The following CXCL13 variants were observed in gnomAD, a reference collection of about 807,000 sequenced individuals.
CXCL13 encodes the protein C-X-C motif chemokine ligand 13, also known as C-X-C motif chemokine 13.
A neutral mutation model predicts 12.2 loss-of-function variants in CXCL13; 7 were observed. The ratio of observed to expected loss-of-function variants is 0.57; its 90% CI spans 0.33 to 1.07. The LOEUF (loss-of-function observed/expected upper bound fraction) is 1.07, where lower values mean the gene tolerates loss of function less well. Among genes scored for constraint, CXCL13 ranks in the 50% least tolerant of loss-of-function variants. The probability of loss-of-function intolerance (pLI) is 0.04; values close to 1 mark genes in which losing one functional copy is unlikely to be tolerated. For missense variants in CXCL13, 113 were observed against 127.4 expected (o/e 0.89, Z 0.55); for synonymous variants, 47 against 42.4 (o/e 1.11, Z -0.42).
intron 1 of CXCL13, among the ~76,000 whole-genome samples, chr4:77,539,523 G>A (rs973581630): frequency 2.0e-5 from 3 of 152,210 alleles, no homozygotes; most frequent in African/African-American, 4.8e-5. Context: ...TGGGCTGTCC[G>A]CATGGCAGTG....
intron 1 of CXCL13, among the ~76,000 whole-genome samples, chr4:77,556,944 G>A (rs1299013030): frequency 3.9e-5 from 6 of 152,104 alleles, no homozygotes; most frequent in African/African-American, 1.4e-4. Context: ...TTAAGCCCAG[G>A]AGTTCGAGGC....
intron 1 of CXCL13, among the ~76,000 whole-genome samples, chr4:77,578,900 C>G (rs529482215): frequency 2.0e-5 from 3 of 152,312 alleles, no homozygotes; most frequent in East Asian, 3.9e-4. Flanking sequence ...TCTCCTGCAA[C>G]TGAATATGGC....
intron 1 of CXCL13, among the ~76,000 whole-genome samples, chr4:77,532,234 C>T (rs1481189790): frequency 2.0e-5 from 3 of 152,132 alleles, no homozygotes; most frequent in Non-Finnish European, 4.4e-5. Context: ...TCTTTTAGGG[C>T]AGGCCTGGTG....
chr4:77,583,144 G>T (rs1726378378), intron 1 of CXCL13, among the ~76,000 whole-genome samples: 1 of 152,200 alleles, frequency 6.6e-6, no homozygotes, highest in South Asian at 2.1e-4. Context: ...AAGAACCACA[G>T]TTAGATTAAG....
intron 1 of CXCL13, among the ~76,000 whole-genome samples, chr4:77,559,590 C>CGTGTGTGTGTGTCTGTGTGT (rs1725751415): frequency 6.7e-6 from 1 of 148,630 alleles, no homozygotes. Flanking sequence ...CTAAATATGC[C>CGTGTGTGTGTGTCTGTGTGT]GTGTGTGTGT....
Position 77,611,738 on chromosome 4 carries a change from G to GT in CXCL13, c.*700dup. The GT allele has an allele frequency of 2.5e-6, 1 of 395,198 alleles. No homozygotes were observed. The highest frequency in any genetic ancestry group is 4.4e-6 in the Non-Finnish European group (1 of 225,928). 24.5% of individuals were successfully genotyped at this position (395,198 alleles called of 1,614,324 possible). ...CACATCTTTTTCACTGACTTTTTTTGTGGGGGGCGGGGCCGGGGGGACTCT... is the reference window on the plus strand; with the variant it reads ...CACATCTTTTTCACTGACTTTTTTTGTTGGGGGGCGGGGCCGGGGGGACTCT... On this transcript the variant is annotated 3_prime_UTR_variant, in exon 4 of 4. Coordinates refer to ENST00000682537, the MANE Select transcript of CXCL13 (RefSeq NM_001371558.1).
intron 1 of CXCL13, among the ~76,000 whole-genome samples, chr4:77,574,200 C>A (rs1360244390): frequency 6.6e-6 from 1 of 151,792 alleles, no homozygotes; most frequent in East Asian, 1.9e-4. Flanking sequence ...TCTTTTCAGT[C>A]AACTGGATTA....
chr4:77,545,877 T>C (rs1212776711), intron 1 of CXCL13, among the ~76,000 whole-genome samples: 3 of 152,246 alleles, frequency 2.0e-5, no homozygotes, highest in Non-Finnish European at 2.9e-5. Flanking sequence ...TGATATTGGC[T>C]GTGCATTTGT....
At chr4:77,546,120 C>A (rs1263088579) in intron 1 of CXCL13, among the ~76,000 whole-genome samples, 1 of 152,130 alleles carries the variant, frequency 6.6e-6, no homozygotes, top group Non-Finnish European at 1.5e-5. Flanking sequence ...GTTGGATAGG[C>A]TTTTTGATGT....
intron 1 of CXCL13, among the ~76,000 whole-genome samples, chr4:77,545,796 T>A (rs1460796152): frequency 6.6e-6 from 1 of 152,014 alleles, no homozygotes; most frequent in African/African-American, 2.4e-5. Context: ...TGAATAGGAG[T>A]GGTGAGAGAG....
At chr4:77,564,218 C>A (rs1039503896) in intron 1 of CXCL13, among the ~76,000 whole-genome samples, 1 of 152,190 alleles carries the variant, frequency 6.6e-6, no homozygotes, top group Admixed American at 6.5e-5. Context: ...TTCAGGAAAA[C>A]TAGATCCAAC....
intron 2 of CXCL13, 143 bp downstream of exon 2, chr4:77,607,978 G>A (rs1313298234): frequency 1.2e-6 from 1 of 858,878 alleles, no homozygotes; most frequent in Non-Finnish European, 1.8e-6. Context: ...AATGAAAATT[G>A]TTAATAATTA....
At chr4:77,513,459 T>G (rs1724323006) in intron 1 of CXCL13, among the ~76,000 whole-genome samples, 1 of 152,036 alleles carries the variant, frequency 6.6e-6, no homozygotes, top group South Asian at 2.1e-4. Context: ...TCCTGACTTT[T>G]TTTTTTTTTT....
intron 1 of CXCL13, among the ~76,000 whole-genome samples, chr4:77,568,281 G>A (rs1466273288): frequency 6.6e-6 from 1 of 152,152 alleles, no homozygotes; most frequent in Non-Finnish European, 1.5e-5. Context: ...TGGACAGATG[G>A]AGAAGTGGCC....
chr4:77,607,592 A>G (rs1383451713), intron 1 of CXCL13, 111 bp from the exon 2 acceptor site: 12 of 994,926 alleles, frequency 1.2e-5, no homozygotes, highest in Admixed American at 2.3e-5. Context: ...GGAAGCACTG[A>G]CTTGAAACTT....
At chr4:77,528,071 T>A (rs1028810235) in intron 1 of CXCL13, among the ~76,000 whole-genome samples, 1 of 152,120 alleles carries the variant, frequency 6.6e-6, no homozygotes, top group African/African-American at 2.4e-5. Flanking sequence ...AGAATGAAGG[T>A]TTCCAGCTTC....
intron 1 of CXCL13, among the ~76,000 whole-genome samples, chr4:77,566,485 T>C (rs1349948153): frequency 6.6e-6 from 1 of 152,140 alleles, no homozygotes; most frequent in East Asian, 1.9e-4. Flanking sequence ...GGACCATACA[T>C]TTTTTTCTCC....
rs148313255 is a variant in CXCL13 at position 77,522,777 on chromosome 4, G to A, written c.-43+10989G>A. On this transcript the variant is annotated intron_variant, in intron 1 of 4. Transcript: ENST00000286758. ...ATGATGTTAGCTGGCTATTTTGCCC[G>A]TTTATTGATACAATTTCTTCATAGC... 7.0e-4 allele frequency among the ~76,000 whole-genome samples: 107 copies of A among 151,804 alleles called. 1 individual carries two copies. The highest frequency in any genetic ancestry group is 2.4e-3 in the African/African-American group (100 of 41,414).
chr4:77,512,832 G>A (rs977303892), intron 1 of CXCL13, among the ~76,000 whole-genome samples: 1 of 152,036 alleles, frequency 6.6e-6, no homozygotes, highest in Non-Finnish European at 1.5e-5. Flanking sequence ...ACAATGTGCA[G>A]GTTTCATACA....
Sources: gnomAD v4.1 joint callset for allele counts (sites outside exome capture counted in the v4.1 genomes callset) on GRCh38, gnomAD v4.1.1 for gene constraint, MANE v1.5 for transcripts, NCBI Gene and HGNC (gene_info 2026-07-23, HGNC 2026-07-21) for gene names.